POLG2: variants seen among roughly 807,000 people sequenced by gnomAD.
The protein encoded by POLG2 is DNA polymerase subunit gamma-2.
A neutral mutation model predicts 56.5 loss-of-function variants in POLG2; 50 were observed. The ratio of observed to expected loss-of-function variants is 0.88; its 90% CI spans 0.71 to 1.12. The LOEUF is 1.12. POLG2 is among the 50% of genes most tolerant of loss of function. The pLI is 0.00. For synonymous variants in POLG2, 226 were observed against 222.6 expected, an observed-to-expected ratio of 1.02 and a Z score of -0.14; for missense variants, 584 against 583.3, an observed-to-expected ratio of 1.00 and a Z score of -0.01.
chr17:64,491,088 T>C (rs1478920673), intron 3 of POLG2, 119 bp from the exon 4 acceptor site: 2 of 795,494 alleles, frequency 2.5e-6, no homozygotes, highest in Admixed American at 2.1e-5. Context: ...TGTGCGAAAC[T>C]AGTCAAGTCC....
At chr17:64,481,628 G>A (rs1024955243) in intron 6 of POLG2, among the ~76,000 whole-genome samples, 14 of 152,076 alleles carry the variant, frequency 9.2e-5, no homozygotes, top group South Asian at 2.1e-4. Flanking sequence ...ATCCCAGCAC[G>A]TTGGGAGGCC....
chr17:64,480,474 C>A, intron 6 of POLG2, 85 bp from the exon 7 acceptor site: 1 of 647,134 alleles, frequency 1.5e-6, no homozygotes. Flanking sequence ...CCACAAATCA[C>A]CCTCTTCAAT....
chr17:64,477,918 G>A lies in POLG2; in HGVS notation c.1363C>T (p.Leu455=). 1.2e-6 allele frequency: 2 copies of A among 1,613,866 alleles called. No individual in the cohort carries two copies. The highest frequency in any genetic ancestry group is 8.5e-7 in the Non-Finnish European group (1 of 1,179,926). ...TTCATTGTGGTGTCTCTGCTTCTCAGATGTATTAATCCATTCTCCAAAGTA... is the reference window on the plus strand; with the variant it reads ...TTCATTGTGGTGTCTCTGCTTCTCAAATGTATTAATCCATTCTCCAAAGTA... ...ETTLENGLIH[L]RSRDTTMKEM... The change falls in exon 8 of 8, where the codon CTG becomes TTG. Residue 455 remains leucine, a synonymous_variant. Coordinates refer to ENST00000539111, the MANE Select transcript of POLG2 (RefSeq NM_007215.4).
chr17:64,478,007 AACAG>A lies in POLG2; in HGVS notation c.1293-23_1293-20del, dbSNP rs1555665832. The A allele has an allele frequency of 1.2e-6, 2 of 1,611,598 alleles. No homozygotes were observed. Among genetic ancestry groups the A allele is most frequent in the South Asian group, 2.2e-5 (2 of 91,034 alleles). ...ATCATACCTAAGAAAAAAGTAGTTA[AACAG>A]ACACATGAGCACAAATGTAAATAAT... On this transcript the variant is annotated intron_variant, in intron 7 of 7. Transcript: ENST00000539111.
chr17:64,485,905 A>G (rs1338455380), intron 4 of POLG2, 37 bp from the exon 5 acceptor site: 1 of 1,611,048 alleles, frequency 6.2e-7, no homozygotes, highest in African/African-American at 1.3e-5. Context: ...ATCATTTCAC[A>G]GAACTTTTTT....
intron 7 of POLG2, 122 bp downstream of exon 7, chr17:64,480,167 C>T: frequency 3.6e-6 from 1 of 275,558 alleles, no homozygotes. Context: ...AAAAGGGAAA[C>T]TGAGGAATAA....
chr17:64,487,015 T>C (rs1272730691), intron 4 of POLG2: 1 of 152,146 alleles, frequency 6.6e-6, no homozygotes, highest in African/African-American at 2.4e-5. Context: ...TGTAAATCAT[T>C]GTTCACCTGG....
At chr17:64,489,617 G>A (rs1324530724) in intron 4 of POLG2, among the ~76,000 whole-genome samples, 13 of 151,834 alleles carry the variant, frequency 8.6e-5, no homozygotes, top group Non-Finnish European at 7.4e-5. Context: ...ACCATCAGTC[G>A]GGCATGGTGA....
Position 64,497,011 on chromosome 17 carries a change from G to T in POLG2, c.-43C>A. 1 of 1,557,222 alleles carries T rather than the reference G, an allele frequency of 6.4e-7. No homozygotes were observed. On this transcript the variant is annotated 5_prime_UTR_variant, in exon 1 of 8. Coordinates refer to ENST00000539111, the MANE Select transcript of POLG2 (RefSeq NM_007215.4). Reference sequence around the variant, plus strand: ...GAGCACACTCTCCCATCACTCAACGGATCCCAACAAGCCACCACTACCGTT... The same window carrying T: ...GAGCACACTCTCCCATCACTCAACGTATCCCAACAAGCCACCACTACCGTT...
rs2038155384 is a variant in POLG2, at chr17:64,496,570, G to A, written c.399C>T (p.His133=). ...EQVFPVDALH[H]KPGPLLPGDS... is the part of the protein sequence containing the mutation. ...CCCCGGGTAGCAAAGGGCCTGGTTT[G>A]TGGTGGAGGGCGTCCACCGGGAATA... Residue 133 remains histidine (H), a synonymous_variant, in exon 1 of 8, where the codon CAC becomes CAT. Coordinates refer to ENST00000539111, the MANE Select transcript of POLG2 (RefSeq NM_007215.4). The A allele has an allele frequency of 6.2e-7, 1 of 1,613,432 alleles. No individual in the cohort carries two copies. Among genetic ancestry groups the A allele is most frequent in the East Asian group, 2.2e-5 (1 of 44,850 alleles).
At chr17:64,479,431 C>T (rs1236262336) in intron 7 of POLG2, among the ~76,000 whole-genome samples, 2 of 151,904 alleles carry the variant, frequency 1.3e-5, no homozygotes, top group Admixed American at 6.6e-5. Context: ...GTGATCTGCC[C>T]GCCTCAACCT....
At chr17:64,491,675 C>T (rs971814156) in intron 3 of POLG2, 17 of 1,241,082 alleles carry the variant, frequency 1.4e-5, no homozygotes, top group African/African-American at 1.2e-4. Flanking sequence ...AGTACATCAA[C>T]GTGAAGAAGG....
chr17:64,496,908 A>G lies in POLG2; in HGVS notation c.61T>C (p.Phe21Leu), dbSNP rs782621486. 4 of 1,612,062 alleles carry G rather than the reference A, an allele frequency of 2.5e-6. No homozygotes were observed. Residue 21 changes from phenylalanine (F) to leucine (L), a missense_variant, in exon 1 of 8, where the codon TTT becomes CTT. Phe to Leu is a conservative substitution (Grantham distance 22, BLOSUM62 0). Coordinates refer to ENST00000539111, the MANE Select transcript of POLG2 (RefSeq NM_007215.4). Reference protein sequence around the residue: ...HKVCRCLLSGFGGRVDAGQPE... With the variant: ...HKVCRCLLSGLGGRVDAGQPE... ...TGCCCCGCATCTACTCGACCCCCAAACCCAGACAACAGGCACCTGCAGACC... is the reference window on the plus strand; with the variant it reads ...TGCCCCGCATCTACTCGACCCCCAAGCCCAGACAACAGGCACCTGCAGACC...
chr17:64,493,552 T>C (rs1016920766), intron 1 of POLG2, among the ~76,000 whole-genome samples: 1 of 152,262 alleles, frequency 6.6e-6, no homozygotes, highest in Admixed American at 6.5e-5. Context: ...TGGCAGGGTC[T>C]CGGCTCATTG....
intron 6 of POLG2, among the ~76,000 whole-genome samples, chr17:64,482,009 C>T (rs2037865527): frequency 6.6e-6 from 1 of 151,956 alleles, no homozygotes; most frequent in African/African-American, 2.4e-5. Flanking sequence ...GAACAGCAAA[C>T]CCAATGAACT....
chr17:64,491,489 A>G, intron 3 of POLG2: 1 of 1,369,916 alleles, frequency 7.3e-7, no homozygotes, highest in Non-Finnish European at 1.0e-6. Context: ...CAGCCCGGGC[A>G]AAAGAGTGAG....
intron 1 of POLG2, among the ~76,000 whole-genome samples, chr17:64,495,896 A>T (rs1014896573): frequency 6.6e-6 from 1 of 152,120 alleles, no homozygotes; most frequent in African/African-American, 2.4e-5. Flanking sequence ...TTTAGTAGAG[A>T]CGGGGTTTCA....
chr17:64,481,666 A>G (rs1362238058), intron 6 of POLG2, among the ~76,000 whole-genome samples: 3 of 152,138 alleles, frequency 2.0e-5, no homozygotes, highest in Non-Finnish European at 2.9e-5. Context: ...TGAGGTCAGG[A>G]GTTGGAGACC....
intron 1 of POLG2, among the ~76,000 whole-genome samples, chr17:64,495,902 T>C (rs1186544522): frequency 6.6e-6 from 1 of 151,902 alleles, no homozygotes; most frequent in Non-Finnish European, 1.5e-5. Flanking sequence ...AGAGACGGGG[T>C]TTCACCATGT....
Sources: allele counts gnomAD v4.1 joint callset (sites outside exome capture counted in the v4.1 genomes callset), GRCh38; gene constraint gnomAD v4.1.1; transcripts MANE v1.5; gene names NCBI Gene and HGNC (gene_info 2026-07-23, HGNC 2026-07-21).